Variants in DNAI4 observed in about 807,000 individuals in gnomAD.
DNAI4 encodes WD repeat domain 78.
A neutral mutation model predicts 105.8 loss-of-function variants in DNAI4; 85 were observed. That is an observed-to-expected ratio of 0.80 (90% CI 0.67 to 0.96). The LOEUF is 0.96. DNAI4 is among the 40% of genes least tolerant of loss of function. DNAI4 has a pLI of 0.00. For missense variants in DNAI4, 1,014 were observed against 1,005.6 expected (o/e 1.01, Z -0.11); for synonymous variants, 352 against 331.5 (o/e 1.06, Z -0.67).
At chr1:66,819,241 A>G (rs1645577574) in intron 16 of DNAI4, among the ~76,000 whole-genome samples, 1 of 152,166 alleles carries the variant, frequency 6.6e-6, no homozygotes, top group East Asian at 1.9e-4. Context: ...TCAGTCAGGA[A>G]TAACAATTCC....
chr1:66,905,440 T>A, intron 1 of DNAI4, 65 bp from the exon 2 acceptor site: 2 of 1,121,014 alleles, frequency 1.8e-6, no homozygotes, highest in East Asian at 5.5e-5. Context: ...CAACCAACAA[T>A]AAAAAAGTAG....
intron 16 of DNAI4, among the ~76,000 whole-genome samples, chr1:66,817,841 A>G (rs756235642): frequency 2.4e-4 from 36 of 152,188 alleles, no homozygotes; most frequent in Non-Finnish European, 4.6e-4. Flanking sequence ...GCATTGACAA[A>G]TCAACAGTAA....
chr1:66,909,308 A>ACACACACACT (rs1649486659), intron 1 of DNAI4, among the ~76,000 whole-genome samples: 1 of 151,424 alleles, frequency 6.6e-6, no homozygotes, highest in Non-Finnish European at 1.5e-5. Context: ...ACACACACAC[A>ACACACACACT]CACACACACA....
In DNAI4 at chr1:66,834,821, AT is replaced by A. The variant is rs554730107; in HGVS notation, c.1734-674del. Reference sequence around the variant, plus strand: ...ATTTTTAAAATCATACATATCTTTGATTTTTTGGTGAAAATTATGGACCCTC... The same window carrying A: ...ATTTTTAAAATCATACATATCTTTGATTTTTGGTGAAAATTATGGACCCTC... On this transcript the variant is annotated intron_variant, in intron 11 of 16. Transcript: ENST00000371026. Among the ~76,000 whole-genome samples, 711 of 152,166 alleles carry A rather than the reference AT, an allele frequency of 4.7e-3. 6 individuals are homozygous for A. Among genetic ancestry groups the A allele is most frequent in the African/African-American group, 0.017 (688 of 41,524 alleles).
At position 66,889,210 on chromosome 1, in the gene DNAI4, AG is replaced by A. The variant is rs1024809374; in HGVS notation, c.643+1943del. 9.2e-5 allele frequency among the ~76,000 whole-genome samples: 14 copies of A among 152,352 alleles called. No homozygotes were observed. The East Asian group carries it at 2.5e-3, about 27-fold the overall frequency. On this transcript the variant is annotated intron_variant, in intron 4 of 16. Transcript: ENST00000371026. ...GATTTTCCAGGCTCTTTTAAAGCTA[AG>A]GGTGGTCATGTGACAGTTCTGGCCA... is the stretch of plus-strand genomic sequence containing the variant.
chr1:66,911,035 T>A (rs184599736), intron 1 of DNAI4, among the ~76,000 whole-genome samples: 1 of 152,262 alleles, frequency 6.6e-6, no homozygotes, highest in Non-Finnish European at 1.5e-5. Context: ...TAGTCTCAGA[T>A]CCTACAGGCA....
intron 7 of DNAI4, 132 bp from the exon 8 acceptor site, chr1:66,847,810 T>A: frequency 1.4e-6 from 1 of 709,132 alleles, no homozygotes; most frequent in Non-Finnish European, 2.3e-6. Context: ...AATAGACATT[T>A]ATTGAATATC....
At chr1:66,822,700 A>G (rs1383810113) in intron 15 of DNAI4, among the ~76,000 whole-genome samples, 183 bp from the exon 16 acceptor site, 1 of 152,152 alleles carries the variant, frequency 6.6e-6, no homozygotes, top group African/African-American at 2.4e-5. Flanking sequence ...CATTTCTTCA[A>G]TGAACTAATT....
At chr1:66,876,058 ATTC>A (rs1646952255) in intron 4 of DNAI4, among the ~76,000 whole-genome samples, 1 of 152,036 alleles carries the variant, frequency 6.6e-6, no homozygotes, top group South Asian at 2.1e-4. Context: ...GTTTTGGGTG[ATTC>A]TTCTTTTTTA....
Position 66,862,376 on chromosome 1 carries a change from C to T in DNAI4, c.941-74G>A, listed in dbSNP as rs570737899. The T allele has an allele frequency of 3.4e-6, 5 of 1,452,064 alleles. No homozygotes were observed. The South Asian group carries it at 6.4e-5, about 18-fold the overall frequency. The allele number at this position is 1,452,064 out of a possible 1,614,324, so 89.9% of individuals were successfully genotyped here. ...CATTTTAGCTTTATACATAACTAGT[C>T]ACAGAAAAAGCTAAGATAAGAATAT... On this transcript the variant is annotated intron_variant, in intron 6 of 16. Coordinates refer to ENST00000371026, the MANE Select transcript of DNAI4 (RefSeq NM_024763.5).
At chr1:66,833,934 C>A in intron 12 of DNAI4, 57 bp downstream of exon 12, 1 of 1,529,170 alleles carries the variant, frequency 6.5e-7, no homozygotes, top group South Asian at 1.3e-5. Flanking sequence ...ACATGGTTAA[C>A]TAGAAAATTT....
At chr1:66,823,276 T>C (rs1191761018) in intron 15 of DNAI4, among the ~76,000 whole-genome samples, 4 of 151,018 alleles carry the variant, frequency 2.6e-5, no homozygotes, top group African/African-American at 9.7e-5. Flanking sequence ...CCATGGTGTA[T>C]ATGTGCCACA....
Position 66,878,591 on chromosome 1 carries a change from C to T in DNAI4, c.644-3654G>A, listed in dbSNP as rs900607128. On this transcript the variant is annotated intron_variant, in intron 4 of 16. Coordinates refer to ENST00000371026, the MANE Select transcript of DNAI4 (RefSeq NM_024763.5). ...TTGTATGTATACTAACTTGTATATA[C>T]AAACATATCTATACATCTATGTTCA... 1.8e-4 allele frequency among the ~76,000 whole-genome samples: 27 copies of T among 152,162 alleles called. 1 individual carries two copies. Among genetic ancestry groups the T allele is most frequent in the Non-Finnish European group, 7.4e-5 (5 of 68,006 alleles).
chr1:66,822,514 C>T lies in DNAI4; in HGVS notation c.2343G>A (p.Leu781=). The T allele has an allele frequency of 6.3e-7, 1 of 1,584,594 alleles. No individual in the cohort carries two copies. The highest frequency in any genetic ancestry group is 8.6e-7 in the Non-Finnish European group (1 of 1,169,018). The change falls in exon 16 of 17, where the codon TTG becomes TTA. Residue 781 remains leucine, a synonymous_variant. Transcript: ENST00000371026. The part of the protein sequence containing the change: ...VEIWDLHIST[L]DPLIVNTANP... ...TAGCAGTATTCACAATCAGAGGGTCCAAACTGTAATGAAATATTTTATTTG... is the reference window on the plus strand; with the variant it reads ...TAGCAGTATTCACAATCAGAGGGTCTAAACTGTAATGAAATATTTTATTTG...
chr1:66,845,190 C>CAAAAAAAAAAAAAAAA (rs59265844), intron 8 of DNAI4, among the ~76,000 whole-genome samples: 2 of 106,324 alleles, frequency 1.9e-5, no homozygotes, highest in African/African-American at 4.0e-5. Flanking sequence ...AACTCCATCT[C>CAAAAAAAAAAAAAAAA]AAAAAAAAAA....
intron 8 of DNAI4, among the ~76,000 whole-genome samples, chr1:66,844,178 C>T (rs901385117): frequency 2.0e-5 from 3 of 149,148 alleles, no homozygotes; most frequent in South Asian, 4.2e-4. Context: ...GATATGTTAA[C>T]GTGCTTCACT....
chr1:66,838,840 C>T (rs1375384915), intron 9 of DNAI4, among the ~76,000 whole-genome samples: 1 of 152,178 alleles, frequency 6.6e-6, no homozygotes, highest in Non-Finnish European at 1.5e-5. Flanking sequence ...TGTGTCCCCA[C>T]AGCACTGTTT....
chr1:66,878,740 T>C (rs1261301305), intron 4 of DNAI4, among the ~76,000 whole-genome samples: 1 of 152,082 alleles, frequency 6.6e-6, no homozygotes, highest in East Asian at 1.9e-4. Context: ...CAATGGTGAG[T>C]TCCTACCATC....
intron 6 of DNAI4, among the ~76,000 whole-genome samples, chr1:66,863,094 T>C (rs1646661741): frequency 6.6e-6 from 1 of 152,214 alleles, no homozygotes; most frequent in Non-Finnish European, 1.5e-5. Context: ...GTTAAATTTA[T>C]TCAAATCATC....
Sources: allele counts gnomAD v4.1 joint callset (sites outside exome capture counted in the v4.1 genomes callset), GRCh38; gene constraint gnomAD v4.1.1; transcripts MANE v1.5; gene names NCBI Gene and HGNC (gene_info 2026-07-23, HGNC 2026-07-21).